MALRD1: variants seen among roughly 807,000 people sequenced by gnomAD.
The protein encoded by MALRD1 is MAM and LDL-receptor class A domain-containing protein 1.
MALRD1 carries 247 observed loss-of-function variants against 242.1 expected under a neutral mutation model. The ratio of observed to expected loss-of-function variants is 1.02; its 90% CI spans 0.92 to 1.13. The LOEUF (loss-of-function observed/expected upper bound fraction) is 1.13. Among genes scored for constraint, MALRD1 ranks in the 50% most tolerant of loss-of-function variants. The pLI, the probability that MALRD1 is intolerant of heterozygous loss-of-function variation, is 0.00. For missense variants in MALRD1, 2,989 were observed against 2,533.1 expected, an observed-to-expected ratio of 1.18 and a Z score of -3.86; for synonymous variants, 995 against 866.6, an observed-to-expected ratio of 1.15 and a Z score of -2.60.
intron 32 of MALRD1, among the ~76,000 whole-genome samples, chr10:19,565,507 G>T (rs1362517578): frequency 6.6e-6 from 1 of 152,136 alleles, no homozygotes; most frequent in Non-Finnish European, 1.5e-5. Flanking sequence ...ACCAAGATTT[G>T]TGTAAAAATC....
intron 5 of MALRD1, among the ~76,000 whole-genome samples, chr10:19,121,129 C>T (rs1328652018): frequency 2.0e-5 from 3 of 146,762 alleles, no homozygotes; most frequent in Non-Finnish European, 4.5e-5. Context: ...CTGCAACCTC[C>T]GCCTCCTGGG....
chr10:19,320,041 C>CTTTTTTT (rs34481531), intron 21 of MALRD1, among the ~76,000 whole-genome samples: 6 of 73,068 alleles, frequency 8.2e-5, no homozygotes, highest in Non-Finnish European at 1.2e-4. Context: ...TATAAAACTG[C>CTTTTTTT]TTTTTTTTTT....
At chr10:19,242,297 G>A (rs1588764247) in intron 18 of MALRD1, among the ~76,000 whole-genome samples, 1 of 152,056 alleles carries the variant, frequency 6.6e-6, no homozygotes, top group African/African-American at 2.4e-5. Flanking sequence ...GGGGGAAACC[G>A]CCCCCATGAT....
At chr10:19,652,895 A>G (rs1045480491) in intron 36 of MALRD1, among the ~76,000 whole-genome samples, 3 of 152,204 alleles carry the variant, frequency 2.0e-5, no homozygotes, top group Non-Finnish European at 4.4e-5. Context: ...TCCTGCCACC[A>G]TGCAACGTTG....
At chr10:19,378,894 GT>G (rs1481938204) in intron 26 of MALRD1, among the ~76,000 whole-genome samples, 1 of 151,966 alleles carries the variant, frequency 6.6e-6, no homozygotes, top group Non-Finnish European at 1.5e-5. Flanking sequence ...TATTCTTTCT[GT>G]TTACATGTGT....
intron 34 of MALRD1, among the ~76,000 whole-genome samples, chr10:19,605,128 C>T (rs1279107715): frequency 6.6e-6 from 1 of 151,296 alleles, no homozygotes; most frequent in Non-Finnish European, 1.5e-5. Context: ...CAATTTCTAC[C>T]ATTTGATTAC....
chr10:19,673,343 C>T (rs931636327), intron 36 of MALRD1, among the ~76,000 whole-genome samples: 5 of 152,034 alleles, frequency 3.3e-5, no homozygotes, highest in African/African-American at 4.8e-5. Flanking sequence ...GCCGAGATCG[C>T]GCCACTGCAC....
chr10:19,471,318 C>G (rs1589128717), intron 29 of MALRD1, among the ~76,000 whole-genome samples: 1 of 151,960 alleles, frequency 6.6e-6, no homozygotes, highest in East Asian at 1.9e-4. Context: ...AGTATCCACA[C>G]TGTTTTCATT....
At chr10:19,730,151 C>T (rs1835229686) in intron 38 of MALRD1, among the ~76,000 whole-genome samples, 1 of 152,114 alleles carries the variant, frequency 6.6e-6, no homozygotes, top group South Asian at 2.1e-4. Context: ...CAAGGGCTTG[C>T]TGTTTTTGAG....
chr10:19,463,533 G>A (rs962898834), intron 29 of MALRD1, among the ~76,000 whole-genome samples: 5 of 149,130 alleles, frequency 3.4e-5, no homozygotes, highest in Non-Finnish European at 5.9e-5. Flanking sequence ...CCACTAATTC[G>A]TTCCCTTTCG....
Position 19,287,879 on chromosome 10 carries a change from A to G in MALRD1, c.3419+4698A>G, listed in dbSNP as rs535304524. 1.8e-4 allele frequency among the ~76,000 whole-genome samples: 27 copies of G among 152,262 alleles called. No individual in the cohort carries two copies. In the East Asian group the frequency reaches 5.0e-3, roughly 28 times the overall value. ...TTAGGACTTGTTTATAGGGAGCAGA[A>G]TCTAAGACATAGGTGGAATTATTAA... On this transcript the variant is annotated intron_variant, in intron 21 of 39. Transcript: ENST00000454679.
chr10:19,334,499 A>G (rs1049490798), intron 24 of MALRD1, among the ~76,000 whole-genome samples: 1 of 151,984 alleles, frequency 6.6e-6, no homozygotes, highest in Non-Finnish European at 1.5e-5. Context: ...CAGTACTATA[A>G]TACATACGTA....
intron 26 of MALRD1, among the ~76,000 whole-genome samples, chr10:19,382,376 A>C (rs947209965): frequency 4.3e-5 from 6 of 139,842 alleles, no homozygotes; most frequent in African/African-American, 1.6e-4. Context: ...GTGTGTGTGC[A>C]TGTGTGTCTT....
At chr10:19,233,405 G>A (rs1838167302) in intron 18 of MALRD1, among the ~76,000 whole-genome samples, 1 of 152,152 alleles carries the variant, frequency 6.6e-6, no homozygotes, top group Non-Finnish European at 1.5e-5. Flanking sequence ...GGGAGGCTGA[G>A]ACAGGAGAAT....
At chr10:19,341,765 A>G (rs763926985) in intron 24 of MALRD1, among the ~76,000 whole-genome samples, 3 of 152,054 alleles carry the variant, frequency 2.0e-5, no homozygotes, top group Non-Finnish European at 4.4e-5. Context: ...ACGATATGCG[A>G]TGTAACTGAA....
chr10:19,276,218 T>C lies in MALRD1; in HGVS notation c.3080-3829T>C, dbSNP rs113067514. 7.1e-4 allele frequency among the ~76,000 whole-genome samples: 108 copies of C among 152,308 alleles called. 1 individual carries two copies. The South Asian group carries it at 0.011, about 16-fold the overall frequency. On this transcript the variant is annotated intron_variant, in intron 19 of 39. Coordinates refer to ENST00000454679, the MANE Select transcript of MALRD1 (RefSeq NM_001142308.3). ...AACTTTCATTGAAACTTTGACAAAA[T>C]ACGTCACTTTCCAGATGCCATTTTT...
chr10:19,510,063 G>A (rs922455501), intron 31 of MALRD1, among the ~76,000 whole-genome samples: 2 of 152,132 alleles, frequency 1.3e-5, no homozygotes, highest in Non-Finnish European at 2.9e-5. Flanking sequence ...GGGTCAGCAG[G>A]AAAACGTGAA....
intron 34 of MALRD1, among the ~76,000 whole-genome samples, chr10:19,602,802 A>T (rs1465243085): frequency 2.6e-5 from 4 of 152,284 alleles, no homozygotes; most frequent in Non-Finnish European, 4.4e-5. Context: ...ACTAGTTGAC[A>T]GTCCCACCAA....
chr10:19,512,685 C>A (rs2131292867), intron 31 of MALRD1, among the ~76,000 whole-genome samples: 1 of 152,224 alleles, frequency 6.6e-6, no homozygotes, highest in African/African-American at 2.4e-5. Context: ...GAGTTAAATC[C>A]ATTTGTAAAA....
Sources: gnomAD v4.1 joint callset for allele counts (sites outside exome capture counted in the v4.1 genomes callset) on GRCh38, gnomAD v4.1.1 for gene constraint, MANE v1.5 for transcripts, NCBI Gene and HGNC (gene_info 2026-07-23, HGNC 2026-07-21) for gene names.